Variants in GANC observed in about 807,000 individuals in gnomAD.
The protein encoded by GANC is neutral alpha-glucosidase C.
In GANC, 117 loss-of-function variants were observed where a neutral mutation model predicts 124.2. That is an observed-to-expected ratio of 0.94 (90% confidence interval 0.81 to 1.10). The LOEUF is 1.10. GANC is among the 50% of genes least tolerant of loss of function. The pLI is 0.00. For synonymous variants in GANC, 377 were observed against 376.8 expected (o/e 1.00, Z -0.01); for missense variants, 1,140 against 1,095.0 (o/e 1.04, Z -0.58).
At position 42,321,849 on chromosome 15, in the gene GANC, T is replaced by G. The variant is rs762579683; in HGVS notation, c.1122T>G (p.Asp374Glu). 6.2e-7 allele frequency: 1 copy of G among 1,614,212 alleles called. No homozygotes were observed. Among genetic ancestry groups the G allele is most frequent in the Non-Finnish European group, 8.5e-7 (1 of 1,180,030 alleles). The stretch of plus-strand genomic sequence containing the variant: ...ACCAGTGCCGCTGGAACTATGAAGA[T>G]GAGCAGGATGTAAAAGCAGTGGATG... ...GYHQCRWNYE[D>E]EQDVKAVDAG... The change falls in exon 11 of 24, where the codon GAT becomes GAG. Residue 374 changes from aspartate to glutamate, a missense_variant. Asp to Glu is a conservative substitution (Grantham distance 45). Coordinates refer to ENST00000318010, the MANE Select transcript of GANC (RefSeq NM_198141.3).
intron 17 of GANC, 89 bp from the exon 18 acceptor site, chr15:42,340,601 T>TAAAAA: frequency 4.3e-5 from 34 of 795,170 alleles, no homozygotes; most frequent in Non-Finnish European, 4.7e-5. Flanking sequence ...GAGATCCATC[T>TAAAAA]AAAAAAAAAA....
chr15:42,326,542 A>G, intron 12 of GANC, 118 bp downstream of exon 12: 1 of 1,499,186 alleles, frequency 6.7e-7, no homozygotes, highest in Non-Finnish European at 9.0e-7. Context: ...CTACATTTTA[A>G]GCATATAATT....
intron 15 of GANC, among the ~76,000 whole-genome samples, chr15:42,334,375 C>T (rs115435305): frequency 0.017 from 2,578 of 152,088 alleles, 74 homozygotes; most frequent in African/African-American, 0.059. Context: ...TTGGGCAGTC[C>T]GGTCTTAAAC....
intron 15 of GANC, among the ~76,000 whole-genome samples, chr15:42,337,715 T>TA (rs2052293487): frequency 6.6e-6 from 1 of 152,194 alleles, no homozygotes; most frequent in East Asian, 1.9e-4. Flanking sequence ...CCCCTGAACT[T>TA]AAATATTTTT....
At chr15:42,343,413 T>C in intron 19 of GANC, 1 of 438,128 alleles carries the variant, frequency 2.3e-6, no homozygotes. Context: ...CTAGTAAAAG[T>C]GAGTCCTGAT....
chr15:42,323,282 C>T (rs1003363934), intron 11 of GANC, among the ~76,000 whole-genome samples: 124 of 152,130 alleles, frequency 8.2e-4, no homozygotes, highest in Admixed American at 8.0e-3. Context: ...GGCCTTGAAC[C>T]TTCAAGATGC....
intron 2 of GANC, chr15:42,278,125 C>A: frequency 6.9e-6 from 2 of 291,442 alleles, no homozygotes; most frequent in Non-Finnish European, 1.4e-5. Context: ...ATTTAATATC[C>A]ACTAGAAATT....
rs2052451980 is a variant in GANC at position 42,352,224 on chromosome 15, A to C, written c.*85A>C. ...TCACCTTTTTTGAGATTTTTGCTGC[A>C]ATCTGTTTGCCTTCCCTGAATCAAA... is the stretch of plus-strand genomic sequence containing the variant. On this transcript the variant is annotated 3_prime_UTR_variant, in exon 24 of 24. Coordinates refer to ENST00000318010, the MANE Select transcript of GANC (RefSeq NM_198141.3). 9 of 1,570,788 alleles carry C rather than the reference A, an allele frequency of 5.7e-6. No individual in the cohort carries two copies. In the South Asian group the frequency reaches 1.0e-4, roughly 18 times the overall value.
intron 15 of GANC, among the ~76,000 whole-genome samples, chr15:42,335,583 C>G (rs1595782222): frequency 6.6e-6 from 1 of 152,124 alleles, no homozygotes; most frequent in Non-Finnish European, 1.5e-5. Context: ...TGTCACCACT[C>G]CTATTCAAAA....
intron 3 of GANC, among the ~76,000 whole-genome samples, chr15:42,282,757 C>G (rs948840355): frequency 2.0e-5 from 3 of 152,302 alleles, no homozygotes; most frequent in Non-Finnish European, 4.4e-5. Flanking sequence ...GTTAGGCTGC[C>G]ATAACCAAAT....
In GANC at chr15:42,283,900, C is replaced by T. The variant is rs1177454888; in HGVS notation, c.202-3791C>T. ...TTGTCCTTGGGGAACAGGCCAGTGC[C>T]CAGCGTGAGGTTGCCAGTATTCTTT... On this transcript the variant is annotated intron_variant, in intron 3 of 23. Transcript: ENST00000318010. 5 of 702,484 alleles carry T rather than the reference C, an allele frequency of 7.1e-6. No homozygotes were observed. The African/African-American group carries it at 8.7e-5, about 12-fold the overall frequency. 43.5% of individuals were successfully genotyped at this position (702,484 alleles called of 1,614,324 possible).
intron 19 of GANC, chr15:42,344,910 T>C (rs2052352457): frequency 6.6e-6 from 1 of 152,152 alleles, no homozygotes; most frequent in African/African-American, 2.4e-5. Flanking sequence ...AAACACGTCG[T>C]TGTGAGTGTG....
intron 10 of GANC, among the ~76,000 whole-genome samples, chr15:42,312,983 A>G (rs1352383567): frequency 6.6e-6 from 1 of 151,920 alleles, no homozygotes; most frequent in Non-Finnish European, 1.5e-5. Context: ...ATAAGGATAG[A>G]CATACAGACC....
intron 3 of GANC, chr15:42,281,043 G>A: frequency 5.7e-6 from 4 of 702,524 alleles, no homozygotes; most frequent in Middle Eastern, 2.3e-4. Context: ...TGAGGAGCCT[G>A]ATAAACAAGG....
chr15:42,325,775 G>C (rs183291075), intron 11 of GANC, among the ~76,000 whole-genome samples: 1 of 152,042 alleles, frequency 6.6e-6, no homozygotes, highest in African/African-American at 2.4e-5. Flanking sequence ...TTCTTTTTTA[G>C]AGATGGGGTC....
chr15:42,328,874 T>A (rs531681678), intron 13 of GANC, among the ~76,000 whole-genome samples: 1 of 152,320 alleles, frequency 6.6e-6, no homozygotes, highest in East Asian at 1.9e-4. Flanking sequence ...TTTCAAAGTA[T>A]TAGAGAGAAG....
rs2051624564 is a variant in GANC at position 42,274,155 on chromosome 15, T to A, written c.-327T>A. 3.4e-6 allele frequency: 1 copy of A among 292,636 alleles called. No homozygotes were observed. The highest frequency in any genetic ancestry group is 2.3e-5 in the African/African-American group (1 of 43,414). The allele number at this position is 292,636 out of a possible 1,614,324, so 18.1% of individuals were successfully genotyped here. On this transcript the variant is annotated 5_prime_UTR_variant, in exon 1 of 24. Coordinates refer to ENST00000318010, the MANE Select transcript of GANC (RefSeq NM_198141.3). ...TTTCCAGGTTCTTAACGCTCTTGAT[T>A]TTTACCCTCTAGGACTCATTGCGTA... is the stretch of plus-strand genomic sequence containing the variant.
intron 6 of GANC, among the ~76,000 whole-genome samples, chr15:42,298,822 A>G (rs2051916991): frequency 6.6e-6 from 1 of 152,130 alleles, no homozygotes; most frequent in Non-Finnish European, 1.5e-5. Flanking sequence ...CTTTGTAGCA[A>G]TTGTGAATGG....
Position 42,351,422 on chromosome 15 carries a change from C to T in GANC, c.2625C>T (p.Thr875=), listed in dbSNP as rs1308063502. 1.2e-6 allele frequency: 2 copies of T among 1,610,454 alleles called. No homozygotes were observed. The highest frequency in any genetic ancestry group is 1.7e-6 in the Non-Finnish European group (2 of 1,176,886). ...GFRKEPSSVT[T]HSSDGKDQPV... Reference sequence around the variant, plus strand: ...GGAAGGAGCCATCTTCTGTGACTACCCACTCATCTGGTGAGAAAGCAGTCC... The same window carrying T: ...GGAAGGAGCCATCTTCTGTGACTACTCACTCATCTGGTGAGAAAGCAGTCC... Residue 875 remains threonine, a synonymous_variant, in exon 23 of 24, where the codon ACC becomes ACT. Coordinates refer to ENST00000318010, the MANE Select transcript of GANC (RefSeq NM_198141.3).
Sources: allele counts gnomAD v4.1 joint callset (sites outside exome capture counted in the v4.1 genomes callset), GRCh38; gene constraint gnomAD v4.1.1; transcripts MANE v1.5; gene names NCBI Gene and HGNC (gene_info 2026-07-23, HGNC 2026-07-21).